The following TMPRSS11F variants were observed in gnomAD, a reference collection of about 807,000 sequenced individuals.
The protein encoded by TMPRSS11F is transmembrane protease serine 11F.
In TMPRSS11F, 47 loss-of-function variants were observed where a neutral mutation model predicts 60.2. The observed-to-expected ratio is 0.78, with a 90% confidence interval of 0.62 to 1.00. The LOEUF is 1.00. Among genes scored for constraint, TMPRSS11F ranks in the 50% least tolerant of loss-of-function variants. TMPRSS11F has a pLI of 0.00. For synonymous variants in TMPRSS11F, 166 were observed against 167.3 expected, an observed-to-expected ratio of 0.99 and a Z score of 0.06; for missense variants, 519 against 522.9, an observed-to-expected ratio of 0.99 and a Z score of 0.07.
At chr4:68,110,628 T>C (rs1478869887) in intron 1 of TMPRSS11F, among the ~76,000 whole-genome samples, 1 of 152,164 alleles carries the variant, frequency 6.6e-6, no homozygotes, top group Non-Finnish European at 1.5e-5. Flanking sequence ...CCTCAGTTTT[T>C]TCATCTGCAA....
At chr4:68,095,070 G>A (rs938281503) in intron 2 of TMPRSS11F, among the ~76,000 whole-genome samples, 1 of 151,822 alleles carries the variant, frequency 6.6e-6, no homozygotes, top group African/African-American at 2.4e-5. Context: ...GTGAATGGTA[G>A]TGAATGTTAT....
intron 2 of TMPRSS11F, among the ~76,000 whole-genome samples, chr4:68,092,399 C>A (rs1723961945): frequency 6.6e-6 from 1 of 151,890 alleles, no homozygotes. Flanking sequence ...CTTTTTGTTC[C>A]ACTTACAAAA....
chr4:68,098,623 G>A (rs895796204), intron 2 of TMPRSS11F, among the ~76,000 whole-genome samples: 3 of 152,060 alleles, frequency 2.0e-5, no homozygotes, highest in Admixed American at 6.6e-5. Flanking sequence ...GTCTTTATGC[G>A]AAAGATGATC....
At chr4:68,099,908 A>C (rs1170087522) in intron 1 of TMPRSS11F, among the ~76,000 whole-genome samples, 3 of 152,184 alleles carry the variant, frequency 2.0e-5, no homozygotes, top group Admixed American at 2.0e-4. Context: ...ACAAGTAGTT[A>C]TTATATAGTG....
chr4:68,062,238 A>T, intron 8 of TMPRSS11F: 2 of 410,864 alleles, frequency 4.9e-6, no homozygotes, highest in Non-Finnish European at 9.3e-6. Context: ...TCATAAAATT[A>T]CCGGCTCTTT....
chr4:68,090,578 T>C lies in TMPRSS11F; in HGVS notation c.227A>G (p.Tyr76Cys), dbSNP rs762471171. The C allele has an allele frequency of 1.4e-5, 22 of 1,601,848 alleles. No individual in the cohort carries two copies. The highest frequency in any genetic ancestry group is 1.8e-5 in the Non-Finnish European group (21 of 1,172,760). Residue 76 changes from tyrosine to cysteine, a missense_variant, in exon 3 of 10, where the codon TAT becomes TGT. By Grantham distance (194) the Tyr-to-Cys change is radical. Transcript: ENST00000356291. ...KVTNIKYKEN[Y>C]GIRSSREFIE... ...AAACTCTCTTGAAGATCTTATGCCATAATTTTCTTTATATTTGATATTTGT... is the reference window on the plus strand; with the variant it reads ...AAACTCTCTTGAAGATCTTATGCCACAATTTTCTTTATATTTGATATTTGT...
rs555520056 is a variant in TMPRSS11F, at chr4:68,059,288, C to A, written c.1158+38G>T. 1.2e-5 allele frequency: 20 copies of A among 1,601,552 alleles called. No homozygotes were observed. In the East Asian group the frequency reaches 3.8e-4, roughly 30 times the overall value. On this transcript the variant is annotated intron_variant, in intron 9 of 9. Coordinates refer to ENST00000356291, the MANE Select transcript of TMPRSS11F (RefSeq NM_207407.2). ...CAAACTCAGAAATAGCTAATGGAAA[C>A]TTTCCTCATAAACTTTTGGCCTTGA...
chr4:68,064,167 C>T (rs1723269788), intron 8 of TMPRSS11F, among the ~76,000 whole-genome samples: 2 of 143,762 alleles, frequency 1.4e-5, no homozygotes, highest in African/African-American at 2.6e-5. Context: ...GAGGAGATTT[C>T]TTTCTTTCTT....
intron 7 of TMPRSS11F, 149 bp downstream of exon 7, chr4:68,068,469 A>G: frequency 1.6e-6 from 1 of 633,178 alleles, no homozygotes. Flanking sequence ...GATAGGGCAT[A>G]GGGGAAGCAT....
intron 3 of TMPRSS11F, among the ~76,000 whole-genome samples, chr4:68,082,658 G>C (rs1465159418): frequency 1.3e-5 from 2 of 152,250 alleles, no homozygotes; most frequent in African/African-American, 4.8e-5. Context: ...CATGAGGCCA[G>C]AAGATAAAGC....
intron 1 of TMPRSS11F, among the ~76,000 whole-genome samples, chr4:68,104,894 G>T (rs773288559): frequency 6.6e-6 from 1 of 151,264 alleles, no homozygotes; most frequent in Non-Finnish European, 1.5e-5. Flanking sequence ...TTGATGTGTT[G>T]CTGGACTCAG....
chr4:68,072,233 A>ATATATATATATATATATATATATATC (rs1723490129), intron 5 of TMPRSS11F, 90 bp downstream of exon 5: 2 of 133,522 alleles, frequency 1.5e-5, no homozygotes, highest in South Asian at 2.6e-4. Context: ...AAAAAAAAAT[A>ATATATATATATATATATATATATATC]TATATATATA....
chr4:68,112,153 C>T (rs752710338), intron 1 of TMPRSS11F, among the ~76,000 whole-genome samples: 25 of 152,188 alleles, frequency 1.6e-4, no homozygotes, highest in Non-Finnish European at 2.6e-4. Context: ...TGAACTCATA[C>T]CTTTTCAGTC....
chr4:68,072,606 T>C (rs1325314657), intron 4 of TMPRSS11F, 120 bp from the exon 5 acceptor site: 1 of 613,988 alleles, frequency 1.6e-6, no homozygotes, highest in Non-Finnish European at 2.4e-6. Context: ...ACCAGATTTT[T>C]AAATTATCTC....
In TMPRSS11F at chr4:68,072,327, G is replaced by A. The variant is rs374294500; in HGVS notation, c.510C>T (p.Leu170=). 102 of 1,554,912 alleles carry A rather than the reference G, an allele frequency of 6.6e-5. No homozygotes were observed. The highest frequency in any genetic ancestry group is 6.8e-5 in the Non-Finnish European group (78 of 1,148,524). The change falls in exon 5 of 10, where the codon CTC becomes CTT. Residue 170 remains leucine, a synonymous_variant. Transcript: ENST00000356291. ...AAATAAAAATAAAAGACTTACGTGT[G>A]AGTCTAAATGATGGTTTGTTTATGG... The part of the protein sequence containing the change: ...SLTINKPSFR[L]TPIDSKKMRN...
At chr4:68,117,470 A>C (rs1724550459) in intron 1 of TMPRSS11F, among the ~76,000 whole-genome samples, 1 of 50,892 alleles carries the variant, frequency 2.0e-5, no homozygotes, top group Non-Finnish European at 6.5e-5. Flanking sequence ...TCTGTCTCAA[A>C]AAAAAAAAAA....
intron 8 of TMPRSS11F, among the ~76,000 whole-genome samples, chr4:68,061,285 C>T (rs202182652): frequency 6.6e-6 from 1 of 152,140 alleles, no homozygotes; most frequent in African/African-American, 2.4e-5. Flanking sequence ...TTATAAAAAT[C>T]GAAGGCTTAA....
chr4:68,062,117 C>T (rs1723193052), intron 8 of TMPRSS11F: 1 of 449,644 alleles, frequency 2.2e-6, no homozygotes, highest in Admixed American at 2.4e-5. Flanking sequence ...AAGAACATTA[C>T]AAACACCAGG....
chr4:68,114,284 A>G (rs937833715), intron 1 of TMPRSS11F, among the ~76,000 whole-genome samples: 7 of 151,948 alleles, frequency 4.6e-5, no homozygotes, highest in Non-Finnish European at 7.4e-5. Context: ...AAAACAGTAG[A>G]AAAGTCAATA....
Sources: gnomAD v4.1 joint callset for allele counts (sites outside exome capture counted in the v4.1 genomes callset) on GRCh38, gnomAD v4.1.1 for gene constraint, MANE v1.5 for transcripts, NCBI Gene and HGNC (gene_info 2026-07-23, HGNC 2026-07-21) for gene names.